Variants in ZNF695 observed in about 807,000 individuals in gnomAD.
ZNF695 encodes zinc finger protein SBZF3.
A neutral mutation model predicts 11.2 loss-of-function variants in ZNF695; 11 were observed. The ratio of observed to expected loss-of-function variants is 0.98; its 90% CI spans 0.62 to 1.62. The LOEUF (loss-of-function observed/expected upper bound fraction) is 1.62. ZNF695 is among the 40% of genes most tolerant of loss of function. ZNF695 has a pLI of 0.00. For synonymous variants in ZNF695, 190 were observed against 201.4 expected, an observed-to-expected ratio of 0.94 and a Z score of 0.48; for missense variants, 559 against 590.5, an observed-to-expected ratio of 0.95 and a Z score of 0.55.
intron 5 of ZNF695, among the ~76,000 whole-genome samples, chr1:246,952,608 G>A (rs1354883018): frequency 6.7e-6 from 1 of 150,296 alleles, no homozygotes; most frequent in East Asian, 2.0e-4. Context: ...GTACAGTGGT[G>A]CAATCACAGC....
At chr1:246,970,193 A>C (rs530442623) in intron 4 of ZNF695, among the ~76,000 whole-genome samples, 2 of 152,370 alleles carry the variant, frequency 1.3e-5, no homozygotes, top group Non-Finnish European at 2.9e-5. Flanking sequence ...CTGTTCCGAC[A>C]GTGAAAGAGT....
rs540483834 is a variant in ZNF695 at position 246,967,383 on chromosome 1, T to C, written c.488+312A>G. On this transcript the variant is annotated intron_variant, in intron 5 of 5. Transcript: ENST00000487338. The stretch of plus-strand genomic sequence containing the variant: ...GAAATGCTGGTGGCCTGGACAAGGG[T>C]GGGAGCAGTAGAGGTGGCAAGACAT... 2.5e-4 allele frequency: 112 copies of C among 456,274 alleles called. 3 individuals are homozygous for C. The highest frequency in any genetic ancestry group is 1.6e-3 in the South Asian group (105 of 64,562). 28.3% of individuals were successfully genotyped at this position (456,274 alleles called of 1,614,324 possible).
At chr1:246,965,989 G>A (rs1463183706) in intron 5 of ZNF695, among the ~76,000 whole-genome samples, 1 of 151,364 alleles carries the variant, frequency 6.6e-6, no homozygotes, top group Admixed American at 6.6e-5. Flanking sequence ...AATATCACAG[G>A]TAGTCAGGGA....
intron 4 of ZNF695, among the ~76,000 whole-genome samples, chr1:246,974,729 G>A (rs2103014639): frequency 6.6e-6 from 1 of 152,284 alleles, no homozygotes; most frequent in East Asian, 1.9e-4. Flanking sequence ...AGGTACATGA[G>A]GACTCTGAGG....
At chr1:246,966,393 A>G (rs1183029593) in intron 5 of ZNF695, among the ~76,000 whole-genome samples, 2 of 152,166 alleles carry the variant, frequency 1.3e-5, no homozygotes, top group Non-Finnish European at 2.9e-5. Flanking sequence ...AGGCAGGAGA[A>G]TTACTTGAAC....
chr1:246,984,169 AAG>A (rs1668783897), downstream of ZNF695, among the ~76,000 whole-genome samples: 1 of 150,206 alleles, frequency 6.7e-6, no homozygotes, highest in African/African-American at 2.4e-5. Context: ...AAAAAAAAAA[AAG>A]AAGAAGAAAA....
chr1:246,995,246 A>C (rs1669166122), intron 3 of ZNF695, among the ~76,000 whole-genome samples: 2 of 152,238 alleles, frequency 1.3e-5, no homozygotes, highest in South Asian at 4.1e-4. Flanking sequence ...AAATGGAATA[A>C]AACAAGAAAT....
Position 246,985,355 on chromosome 1 carries a change from GC to G in ZNF695, c.*1611del, listed in dbSNP as rs2103021502. The G allele has an allele frequency of 1.0e-6, 1 of 983,644 alleles. No individual in the cohort carries two copies. The highest frequency in any genetic ancestry group is 4.7e-5 in the South Asian group (1 of 21,244). 60.9% of individuals were successfully genotyped at this position (983,644 alleles called of 1,614,324 possible). A position where few individuals can be genotyped will look rare whatever the true frequency, so the allele number is the denominator to read the frequency against. ...ATAATCCTATATAGGCTTTATTATA[GC>G]CTTAATAATGACACTGTCATTACAA... On this transcript the variant is annotated 3_prime_UTR_variant, in exon 4 of 4. Transcript: ENST00000339986.
At chr1:246,997,554 T>C (rs770780454) in intron 3 of ZNF695, among the ~76,000 whole-genome samples, 1 of 145,224 alleles carries the variant, frequency 6.9e-6, no homozygotes, top group Non-Finnish European at 1.5e-5. Context: ...CAATCTCACA[T>C]GTGTGTGTGT....
At chr1:246,948,736 C>A (rs916790522) in intron 5 of ZNF695, among the ~76,000 whole-genome samples, 1 of 152,166 alleles carries the variant, frequency 6.6e-6, no homozygotes, top group Non-Finnish European at 1.5e-5. Context: ...TAAGAGCAAA[C>A]TTTTCAAGCA....
chr1:246,999,279 G>A (rs12119510), intron 3 of ZNF695, 69 bp downstream of exon 3: 62,075 of 1,332,008 alleles, frequency 0.047, 1,835 homozygotes, highest in South Asian at 0.12. Flanking sequence ...CCAAACCACA[G>A]TTTAAAGTCT....
intron 4 of ZNF695, chr1:246,967,817 G>C (rs185216009): frequency 3.1e-6 from 1 of 327,646 alleles, no homozygotes; most frequent in East Asian, 7.8e-5. Flanking sequence ...AGAGCAAAGG[G>C]GGAAATGCTA....
intron 4 of ZNF695, chr1:246,979,930 G>C (rs1572520239): frequency 1.3e-5 from 2 of 152,626 alleles, no homozygotes; most frequent in Middle Eastern, 6.7e-3. Context: ...CAGCACTTTG[G>C]GAGGCCGAGA....
chr1:246,985,645 A>C lies in ZNF695; in HGVS notation c.*1322T>G. 1 of 985,434 alleles carries C rather than the reference A, an allele frequency of 1.0e-6. No homozygotes were observed. The highest frequency in any genetic ancestry group is 1.2e-6 in the Non-Finnish European group (1 of 829,910). 61.0% of individuals were successfully genotyped at this position (985,434 alleles called of 1,614,324 possible). A position where few individuals can be genotyped will look rare whatever the true frequency, so the allele number is the denominator to read the frequency against. Reference sequence around the variant, plus strand: ...AAACAAATTAAGTTCAAACAGTCTAAAAAGAGCATTTCAAAATCCACTGAA... The same window carrying C: ...AAACAAATTAAGTTCAAACAGTCTACAAAGAGCATTTCAAAATCCACTGAA... On this transcript the variant is annotated 3_prime_UTR_variant, in exon 4 of 4. Coordinates refer to ENST00000339986, the MANE Select transcript of ZNF695 (RefSeq NM_020394.5).
chr1:246,997,956 T>C (rs566896242), intron 3 of ZNF695, among the ~76,000 whole-genome samples: 50 of 152,352 alleles, frequency 3.3e-4, no homozygotes, highest in African/African-American at 1.2e-3. Context: ...AAATAAGCTT[T>C]GGAAATCTAA....
intron 5 of ZNF695, among the ~76,000 whole-genome samples, chr1:246,959,310 AAT>A (rs1158852538): frequency 0.026 from 1,326 of 50,786 alleles, 11 homozygotes; most frequent in Non-Finnish European, 0.03. Flanking sequence ...AAAAAAAAAA[AAT>A]ATATATATAT....
chr1:246,960,235 G>A (rs1380110937), intron 5 of ZNF695, among the ~76,000 whole-genome samples: 2 of 151,996 alleles, frequency 1.3e-5, no homozygotes, highest in Admixed American at 6.6e-5. Flanking sequence ...CAGCAAAAAG[G>A]GAACCACAGT....
At chr1:246,989,354 A>T (rs1269954231) in intron 3 of ZNF695, among the ~76,000 whole-genome samples, 1 of 152,230 alleles carries the variant, frequency 6.6e-6, no homozygotes, top group Admixed American at 6.5e-5. Context: ...GCAAAAAGTT[A>T]AAAATCAGGA....
chr1:246,990,199 A>C (rs12563418), intron 3 of ZNF695, among the ~76,000 whole-genome samples: 2 of 4,304 alleles, frequency 4.6e-4, no homozygotes, highest in Non-Finnish European at 1.5e-3. Flanking sequence ...GGAAAAGAGA[A>C]AGAGAGAGAG....
Sources: allele counts gnomAD v4.1 joint callset (sites outside exome capture counted in the v4.1 genomes callset), GRCh38; gene constraint gnomAD v4.1.1; transcripts MANE v1.5; gene names NCBI Gene and HGNC (gene_info 2026-07-23, HGNC 2026-07-21).